Variants in DLGAP4 observed in about 807,000 individuals in gnomAD.
The protein encoded by DLGAP4 is disks large-associated protein 4.
DLGAP4 carries 18 observed loss-of-function variants against 86.9 expected under a neutral mutation model. The ratio of observed to expected loss-of-function variants is 0.21; its 90% CI spans 0.14 to 0.31. DLGAP4 has a LOEUF of 0.31. Ranked by LOEUF, DLGAP4 falls within the 10% of genes least tolerant of loss-of-function variation. DLGAP4 has a pLI of 1.00. For missense variants in DLGAP4, 1,085 were observed against 1,362.6 expected, an observed-to-expected ratio of 0.80 and a Z score of 3.21; for synonymous variants, 548 against 574.3, an observed-to-expected ratio of 0.95 and a Z score of 0.65.
intron 2 of DLGAP4, among the ~76,000 whole-genome samples, chr20:36,417,008 G>C (rs193272602): frequency 6.6e-6 from 1 of 152,096 alleles, no homozygotes; most frequent in Non-Finnish European, 1.5e-5. Flanking sequence ...AAACAGGTGC[G>C]GTCCCTCCCC....
chr20:36,463,642 C>G (rs1172175603), intron 7 of DLGAP4, among the ~76,000 whole-genome samples: 3 of 152,194 alleles, frequency 2.0e-5, no homozygotes, highest in Non-Finnish European at 4.4e-5. Context: ...TGCAGGGGGA[C>G]AGTTGGATTT....
intron 7 of DLGAP4, among the ~76,000 whole-genome samples, chr20:36,449,792 C>T (rs1203233505): frequency 1.3e-5 from 2 of 152,234 alleles, no homozygotes; most frequent in African/African-American, 4.8e-5. Flanking sequence ...CCAATACTGC[C>T]TGGGTCCCTG....
At chr20:36,369,763 A>C (rs1381224335) in intron 2 of DLGAP4, among the ~76,000 whole-genome samples, 1 of 152,182 alleles carries the variant, frequency 6.6e-6, no homozygotes, top group Non-Finnish European at 1.5e-5. Flanking sequence ...TGTTTTGTGC[A>C]CTTTACTCTT....
chr20:36,306,630 G>C lies in DLGAP4; in HGVS notation c.-304+118G>C, dbSNP rs2065005096. 1 of 152,098 alleles carries C rather than the reference G, an allele frequency of 6.6e-6. No individual in the cohort carries two copies. Among genetic ancestry groups the C allele is most frequent in the African/African-American group, 2.4e-5 (1 of 41,434 alleles). 9.4% of individuals were successfully genotyped at this position (152,098 alleles called of 1,614,324 possible). ...CCCCGACAGACCTCCCTGAACCGGG[G>C]GACGGCGCTGGCGCAGAAAAGCCCC... On this transcript the variant is annotated intron_variant, in intron 1 of 12. Transcript: ENST00000339266. The surrounding 1 kb of genome is among the most constrained non-coding windows in gnomAD (Gnocchi z 4.9).
At chr20:36,307,077 C>T (rs2065010115) in intron 1 of DLGAP4, among the ~76,000 whole-genome samples, 1 of 152,134 alleles carries the variant, frequency 6.6e-6, no homozygotes, top group African/African-American at 2.4e-5. Context: ...CGAGCTCTTT[C>T]CCTGACCTGG....
Position 36,380,431 on chromosome 20 carries a change from A to T in DLGAP4, c.-73+13156A>T, listed in dbSNP as rs536241482. Among the ~76,000 whole-genome samples the T allele has an allele frequency of 5.3e-5, 8 of 152,004 alleles. No homozygotes were observed. In the East Asian group the frequency reaches 1.5e-3, roughly 29 times the overall value. ...CAAAAAAAGTAAAAATAATTTAAAA[A>T]ATAATAATTAGCCAGGCATGGTGGC... On this transcript the variant is annotated intron_variant, in intron 2 of 12. Coordinates refer to ENST00000339266, the MANE Select transcript of DLGAP4 (RefSeq NM_001365621.2).
intron 2 of DLGAP4, among the ~76,000 whole-genome samples, chr20:36,413,818 A>G (rs1478206091): frequency 1.3e-5 from 2 of 152,186 alleles, no homozygotes; most frequent in African/African-American, 4.8e-5. Context: ...CTGCTGAGAC[A>G]TGGATCAGAA....
chr20:36,345,949 G>T (rs954956460), intron 1 of DLGAP4, among the ~76,000 whole-genome samples: 2 of 152,016 alleles, frequency 1.3e-5, no homozygotes, highest in African/African-American at 4.8e-5. Context: ...TAGAGACAGG[G>T]TCTTGCTATG....
Position 36,446,736 on chromosome 20 carries a change from T to C in DLGAP4, c.1447T>C (p.Cys483Arg). 6 of 1,611,742 alleles carry C rather than the reference T, an allele frequency of 3.7e-6. No individual in the cohort carries two copies. Among genetic ancestry groups the C allele is most frequent in the Non-Finnish European group, 5.1e-6 (6 of 1,178,866 alleles). The change falls in exon 7 of 13, where the codon TGC becomes CGC. Residue 483 changes from cysteine to arginine, a missense_variant. Cys to Arg is a radical substitution (Grantham distance 180). Transcript: ENST00000339266. ...AELSDQYEAA[C>R]ESACSEAEST... ...GCTGAGTGACCAGTATGAGGCGGCC[T>C]GCGAGTCAGCCTGCAGTGAAGCGGA... is the stretch of plus-strand genomic sequence containing the variant.
chr20:36,448,649 G>A (rs548898196), intron 7 of DLGAP4, among the ~76,000 whole-genome samples: 1 of 152,174 alleles, frequency 6.6e-6, no homozygotes, highest in African/African-American at 2.4e-5. Flanking sequence ...AAAAACAATT[G>A]GGGGCTGGGC....
intron 7 of DLGAP4, among the ~76,000 whole-genome samples, chr20:36,466,918 C>T (rs1450251225): frequency 6.6e-6 from 1 of 151,894 alleles, no homozygotes; most frequent in Non-Finnish European, 1.5e-5. Flanking sequence ...GCGAGTCTCT[C>T]GCTCTTGCTC....
chr20:36,471,963 C>T (rs753032006), intron 7 of DLGAP4, among the ~76,000 whole-genome samples: 1 of 152,142 alleles, frequency 6.6e-6, no homozygotes, highest in Non-Finnish European at 1.5e-5. Flanking sequence ...GTTGCTGAGA[C>T]CTCTAGAACC....
At chr20:36,428,423 T>C (rs770541374) in intron 2 of DLGAP4, among the ~76,000 whole-genome samples, 5 of 152,194 alleles carry the variant, frequency 3.3e-5, no homozygotes, top group African/African-American at 7.2e-5. Flanking sequence ...GTGAGAGCTA[T>C]GAAGAAATCC....
chr20:36,452,058 C>T (rs761990056), intron 7 of DLGAP4, among the ~76,000 whole-genome samples: 5 of 152,154 alleles, frequency 3.3e-5, no homozygotes, highest in Non-Finnish European at 4.4e-5. Flanking sequence ...CCATGCCTAA[C>T]GAGGCTGTAT....
At chr20:36,520,497 G>A (rs1173393324) in intron 10 of DLGAP4, among the ~76,000 whole-genome samples, 5 of 151,820 alleles carry the variant, frequency 3.3e-5, no homozygotes, top group African/African-American at 7.3e-5. Flanking sequence ...ATAGGCATGC[G>A]TCACCAGCCT....
In DLGAP4 at chr20:36,431,419, G is replaced by A. The variant is rs1434337843; in HGVS notation, c.-72-227G>A. On this transcript the variant is annotated intron_variant, in intron 2 of 12. Transcript: ENST00000339266. This position sits in a 1 kb window ranked among gnomAD's most constrained non-coding sequence, Gnocchi z 5.1. ...TTTTAAAGATACAGTCCTCAAGCTA[G>A]AAGAATGGAAGATGTTGTGCTTGTC... Among the ~76,000 whole-genome samples, 1 of 152,172 alleles carries A rather than the reference G, an allele frequency of 6.6e-6. No individual in the cohort carries two copies. Among genetic ancestry groups the A allele is most frequent in the Non-Finnish European group, 1.5e-5 (1 of 68,012 alleles).
chr20:36,333,217 A>G (rs1490131123), intron 1 of DLGAP4, among the ~76,000 whole-genome samples: 4 of 152,170 alleles, frequency 2.6e-5, no homozygotes, highest in African/African-American at 9.7e-5. Flanking sequence ...GACAGGGTTC[A>G]GAGGGCATCA....
chr20:36,428,757 T>G (rs766937478), intron 2 of DLGAP4, among the ~76,000 whole-genome samples: 3 of 152,240 alleles, frequency 2.0e-5, no homozygotes, highest in Non-Finnish European at 4.4e-5. Flanking sequence ...CTTTGTCTCA[T>G]AGGATGTTCT....
chr20:36,522,098 G>GT (rs2037414974), intron 10 of DLGAP4, among the ~76,000 whole-genome samples: 1 of 152,096 alleles, frequency 6.6e-6, no homozygotes, highest in Non-Finnish European at 1.5e-5. Flanking sequence ...CCCCACCTCT[G>GT]TCATTCTCCT....
Sources: gnomAD v4.1 joint callset for allele counts (sites outside exome capture counted in the v4.1 genomes callset) on GRCh38, gnomAD v4.1.1 for gene constraint, Gnocchi (gnomAD v3.1) non-coding constraint, MANE v1.5 for transcripts, NCBI Gene and HGNC (gene_info 2026-07-23, HGNC 2026-07-21) for gene names.